The following ZNF721 variants were observed in gnomAD, a reference collection of about 807,000 sequenced individuals.
ZNF721 encodes the protein zinc finger protein 721.
In ZNF721, 2 loss-of-function variants were observed where a neutral mutation model predicts 2.4. That is an observed-to-expected ratio of 0.82 (90% confidence interval 0.34 to 2.58). The LOEUF is 2.58. ZNF721 is among the 30% of genes most tolerant of loss of function. The probability of loss-of-function intolerance (pLI) is 0.11; values close to 1 mark genes in which losing one functional copy is unlikely to be tolerated. For missense variants in ZNF721, 1,187 were observed against 1,085.5 expected (o/e 1.09, Z -1.31); for synonymous variants, 398 against 381.8 (o/e 1.04, Z -0.50).
chr4:480,880 T>A (rs1307205562), intron 1 of ZNF721, among the ~76,000 whole-genome samples: 1 of 150,778 alleles, frequency 6.6e-6, no homozygotes, highest in Non-Finnish European at 1.5e-5. Context: ...TTCCAGCTCC[T>A]GCTTTGCATA....
intron 2 of ZNF721, among the ~76,000 whole-genome samples, chr4:454,645 C>G (rs2011095): frequency 0.33 from 49,815 of 152,002 alleles, 8,203 homozygotes; most frequent in African/African-American, 0.35. Flanking sequence ...ATGCCTTCCC[C>G]ATGTATCTGT....
intron 1 of ZNF721, among the ~76,000 whole-genome samples, chr4:481,358 T>C (rs563950611): frequency 3.3e-5 from 5 of 152,366 alleles, no homozygotes; most frequent in African/African-American, 1.2e-4. Flanking sequence ...TTGTGTTGAA[T>C]AGTGGCCATC....
At chr4:469,667 T>C (rs1467212789) in intron 2 of ZNF721, among the ~76,000 whole-genome samples, 1 of 152,184 alleles carries the variant, frequency 6.6e-6, no homozygotes, top group African/African-American at 2.4e-5. Flanking sequence ...CTTCTTAATT[T>C]TAAACTTTAT....
intron 2 of ZNF721, 121 bp from the exon 3 acceptor site, chr4:444,553 A>C (rs1039187393): frequency 2.9e-6 from 3 of 1,019,588 alleles, no homozygotes; most frequent in Admixed American, 3.1e-5. Context: ...CACAAGTCAT[A>C]ACTTCTTCAC....
At position 463,617 on chromosome 4, in the gene ZNF721, G is replaced by A. The variant is rs185877419; in HGVS notation, c.34+8958C>T. 3.3e-3 allele frequency among the ~76,000 whole-genome samples: 509 copies of A among 152,296 alleles called. 13 individuals are homozygous for A. Among genetic ancestry groups the A allele is most frequent in the Admixed American group, 0.03 (458 of 15,288 alleles). On this transcript the variant is annotated intron_variant, in intron 2 of 2. Transcript: ENST00000511833. The stretch of plus-strand genomic sequence containing the variant: ...TCATGTCCTATGCAGGGACATGGAT[G>A]AAGCTGGAAACCATCATTCTCAGCA...
intron 1 of ZNF721, among the ~76,000 whole-genome samples, chr4:491,413 A>C (rs1303117128): frequency 6.6e-6 from 1 of 152,210 alleles, no homozygotes; most frequent in Non-Finnish European, 1.5e-5. Flanking sequence ...GTGAGACTCC[A>C]TCTCAAAACA....
intron 2 of ZNF721, among the ~76,000 whole-genome samples, chr4:461,634 A>C (rs782346286): frequency 6.6e-6 from 1 of 152,134 alleles, no homozygotes; most frequent in Non-Finnish European, 1.5e-5. Context: ...GCACTTTGGG[A>C]GGCTGAGGTG....
At position 472,131 on chromosome 4, in the gene ZNF721, C is replaced by T. The variant is rs144030877; in HGVS notation, c.34+444G>A. Among the ~76,000 whole-genome samples, 559 of 152,334 alleles carry T rather than the reference C, an allele frequency of 3.7e-3. 5 individuals are homozygous for T. Among genetic ancestry groups the T allele is most frequent in the Middle Eastern group, 0.02 (6 of 294 alleles). ...AGACAGGAGTTCAATGGCGCAATCT[C>T]GGCTCACTGCAACCTCTGCCTCCCA... On this transcript the variant is annotated intron_variant, in intron 2 of 2. Coordinates refer to ENST00000511833, the MANE Select transcript of ZNF721 (RefSeq NM_133474.4).
At chr4:453,908 T>C (rs1023695074) in intron 2 of ZNF721, 5 of 152,162 alleles carry the variant, frequency 3.3e-5, no homozygotes, top group African/African-American at 1.2e-4. Context: ...CTGCCCAATA[T>C]GCCTGGAACG....
intron 2 of ZNF721, among the ~76,000 whole-genome samples, chr4:460,794 T>G (rs1002469416): frequency 1.3e-5 from 2 of 152,056 alleles, no homozygotes; most frequent in African/African-American, 4.8e-5. Flanking sequence ...AGCAACAAAC[T>G]ACCATCAGAG....
intron 1 of ZNF721, among the ~76,000 whole-genome samples, chr4:498,154 G>A (rs1553873037): frequency 7.1e-6 from 1 of 141,702 alleles, no homozygotes; most frequent in Non-Finnish European, 1.5e-5. Context: ...GCAGTGATCT[G>A]AGATCACGCC....
At chr4:484,269 A>G (rs1342599877) in intron 1 of ZNF721, among the ~76,000 whole-genome samples, 1 of 152,182 alleles carries the variant, frequency 6.6e-6, no homozygotes, top group Non-Finnish European at 1.5e-5. Context: ...TAATCCTGTC[A>G]GCTGAGGAGG....
At chr4:493,948 T>C (rs1274488554) in intron 1 of ZNF721, among the ~76,000 whole-genome samples, 2 of 152,202 alleles carry the variant, frequency 1.3e-5, no homozygotes, top group Non-Finnish European at 2.9e-5. Flanking sequence ...ACATTTCTAA[T>C]ATTACTTTGC....
intron 2 of ZNF721, among the ~76,000 whole-genome samples, chr4:452,462 T>C (rs1714701151): frequency 6.6e-6 from 1 of 152,194 alleles, no homozygotes; most frequent in Non-Finnish European, 1.5e-5. Flanking sequence ...ATGCCCCACA[T>C]GGGTAACATT....
intron 2 of ZNF721, among the ~76,000 whole-genome samples, chr4:461,924 A>C (rs1715083737): frequency 6.6e-6 from 1 of 152,188 alleles, no homozygotes; most frequent in African/African-American, 2.4e-5. Flanking sequence ...TAGGCAAGAG[A>C]AAGAAAGAAA....
chr4:451,468 G>A (rs983632475), intron 2 of ZNF721, among the ~76,000 whole-genome samples: 1 of 152,104 alleles, frequency 6.6e-6, no homozygotes, highest in African/African-American at 2.4e-5. Flanking sequence ...ATAGCATGAC[G>A]AAGCTTCATG....
chr4:494,514 T>G (rs1259156911), intron 1 of ZNF721, among the ~76,000 whole-genome samples: 10 of 151,954 alleles, frequency 6.6e-5, no homozygotes, highest in Admixed American at 4.6e-4. Flanking sequence ...TTCATAAAGA[T>G]TCAATTTTTT....
chr4:478,770 A>AT (rs35238850), intron 1 of ZNF721, among the ~76,000 whole-genome samples: 53,712 of 142,568 alleles, frequency 0.38, 10,123 homozygotes, highest in African/African-American at 0.46. Context: ...GAAAGGTCTG[A>AT]TTTTTTTTTT....
chr4:483,328 A>G (rs1219800591), intron 1 of ZNF721, among the ~76,000 whole-genome samples: 2 of 152,192 alleles, frequency 1.3e-5, no homozygotes, highest in Non-Finnish European at 2.9e-5. Context: ...AGGCAGGTGG[A>G]TCACCTGAGG....
Sources: gnomAD v4.1 joint callset for allele counts (sites outside exome capture counted in the v4.1 genomes callset) on GRCh38, gnomAD v4.1.1 for gene constraint, MANE v1.5 for transcripts, NCBI Gene and HGNC (gene_info 2026-07-23, HGNC 2026-07-21) for gene names.